MEGF10: variants seen among roughly 807,000 people sequenced by gnomAD.
The protein encoded by MEGF10 is multiple epidermal growth factor-like domains protein 10.
Under a neutral mutation model 147.5 loss-of-function variants are expected in MEGF10, and 86 were observed. The ratio of observed to expected loss-of-function variants is 0.58; its 90% CI spans 0.49 to 0.70. The LOEUF (loss-of-function observed/expected upper bound fraction) is 0.70, where lower values mean the gene tolerates loss of function less well. Among genes scored for constraint, MEGF10 ranks in the 30% least tolerant of loss-of-function variants. The probability of loss-of-function intolerance (pLI) is 0.00; values close to 1 mark genes in which losing one functional copy is unlikely to be tolerated. For synonymous variants in MEGF10, 478 were observed against 525.5 expected (o/e 0.91, Z 1.24); for missense variants, 1,329 against 1,487.3 (o/e 0.89, Z 1.75).
intron 10 of MEGF10, among the ~76,000 whole-genome samples, chr5:127,418,112 CAAA>C (rs1279975275): frequency 6.6e-6 from 1 of 152,052 alleles, no homozygotes; most frequent in East Asian, 1.9e-4. Flanking sequence ...TTATAGGTGA[CAAA>C]GAAGTTACTT....
At chr5:127,328,369 A>G (rs1456907293) in intron 1 of MEGF10, among the ~76,000 whole-genome samples, 2 of 152,200 alleles carry the variant, frequency 1.3e-5, no homozygotes, top group African/African-American at 4.8e-5. Flanking sequence ...ATCCACACAT[A>G]TACACACACA....
At chr5:127,358,147 T>C (rs1478069906) in intron 4 of MEGF10, among the ~76,000 whole-genome samples, 1 of 152,178 alleles carries the variant, frequency 6.6e-6, no homozygotes, top group Non-Finnish European at 1.5e-5. Flanking sequence ...CAAAGGTTCC[T>C]GACAAGGGAA....
chr5:127,441,536 G>A (rs1252443935), intron 18 of MEGF10, among the ~76,000 whole-genome samples: 1 of 152,096 alleles, frequency 6.6e-6, no homozygotes, highest in Non-Finnish European at 1.5e-5. Flanking sequence ...AAAAACATTA[G>A]TCTTAATAAA....
intron 14 of MEGF10, among the ~76,000 whole-genome samples, 159 bp downstream of exon 14, chr5:127,433,668 TC>T (rs768410528): frequency 1.6e-4 from 24 of 152,242 alleles, no homozygotes; most frequent in Non-Finnish European, 3.1e-4. Flanking sequence ...AGAACTGTGT[TC>T]CCTAAGAGCT....
chr5:127,257,055 T>C, the MEGF10 span, among the ~76,000 whole-genome samples: 152 of 152,278 alleles, frequency 1.0e-3, no homozygotes, highest in African/African-American at 3.4e-3. Flanking sequence ...GCAAAGTTCC[T>C]GTGAGCTCTG....
chr5:127,338,204 A>AT (rs147261650), intron 2 of MEGF10, among the ~76,000 whole-genome samples: 1,555 of 152,124 alleles, frequency 0.01, 17 homozygotes, highest in Non-Finnish European at 0.018. Flanking sequence ...ATTATGGCCC[A>AT]TTTTTTTGTT....
chr5:127,370,653 C>T (rs1762812192), intron 5 of MEGF10, among the ~76,000 whole-genome samples: 1 of 152,190 alleles, frequency 6.6e-6, no homozygotes, highest in African/African-American at 2.4e-5. Flanking sequence ...AAGCAGTCTA[C>T]ACGTAACATT....
At chr5:127,297,906 A>G (rs1759581053) in intron 1 of MEGF10, among the ~76,000 whole-genome samples, 1 of 152,092 alleles carries the variant, frequency 6.6e-6, no homozygotes, top group Admixed American at 6.5e-5. Context: ...CCACTATGGG[A>G]TTCTTGGGGC....
intron 22 of MEGF10, 53 bp from the exon 23 acceptor site, chr5:127,454,513 G>T: frequency 6.5e-7 from 1 of 1,540,604 alleles, no homozygotes. Flanking sequence ...ATTGGATGGG[G>T]TTTTTCTTCC....
chr5:127,264,590 A>T, the MEGF10 span, among the ~76,000 whole-genome samples: 1 of 152,052 alleles, frequency 6.6e-6, no homozygotes. Flanking sequence ...GCTTTTCTCT[A>T]TGTTGCACTC....
the MEGF10 span, among the ~76,000 whole-genome samples, chr5:127,265,604 T>C: frequency 2.5e-4 from 38 of 152,302 alleles, no homozygotes; most frequent in East Asian, 4.8e-3. Context: ...TTTTTAATGA[T>C]CGCCATTCTA....
At chr5:127,403,242 C>T (rs72790404) in intron 8 of MEGF10, among the ~76,000 whole-genome samples, 99 of 152,184 alleles carry the variant, frequency 6.5e-4, no homozygotes, top group Middle Eastern at 3.4e-3. Flanking sequence ...TAATGGTAAA[C>T]TGTTATCTCA....
At chr5:127,326,611 GA>G (rs1312912200) in intron 1 of MEGF10, among the ~76,000 whole-genome samples, 1 of 152,150 alleles carries the variant, frequency 6.6e-6, no homozygotes, top group Non-Finnish European at 1.5e-5. Flanking sequence ...AAAGCTCCAG[GA>G]AGAACTTAGC....
Position 127,419,175 on chromosome 5 carries a change from C to T in MEGF10, c.1361C>T (p.Ser454Phe), listed in dbSNP as rs1324228737. The T allele has an allele frequency of 6.2e-7, 1 of 1,614,218 alleles. No individual in the cohort carries two copies. Among genetic ancestry groups the T allele is most frequent in the South Asian group, 1.1e-5 (1 of 91,082 alleles). The stretch of plus-strand genomic sequence containing the variant: ...GGAACCTATGGGATAAACTGTTCCT[C>T]TCGCTGTGGCTGTAAAAATGATGCA... ...PLGTYGINCS[S>F]RCGCKNDAVC... Residue 454 changes from serine to phenylalanine, a missense_variant, in exon 11 of 25, where the codon TCT becomes TTT. Ser to Phe is a radical substitution (Grantham distance 155, BLOSUM62 -2). Transcript: ENST00000503335.
chr5:127,292,197 T>C (rs1428670749), intron 1 of MEGF10, among the ~76,000 whole-genome samples: 3 of 152,162 alleles, frequency 2.0e-5, no homozygotes, highest in East Asian at 1.9e-4. Flanking sequence ...AAGAGTTCAG[T>C]TGGTAAACTC....
the MEGF10 span, among the ~76,000 whole-genome samples, chr5:127,248,597 G>A: frequency 6.6e-6 from 1 of 151,956 alleles, no homozygotes; most frequent in African/African-American, 2.4e-5. Context: ...TGGCTCAAGA[G>A]GAGATTGGAT....
At chr5:127,287,607 T>G (rs575771618), upstream of MEGF10, among the ~76,000 whole-genome samples, 2 of 151,992 alleles carry the variant, frequency 1.3e-5, no homozygotes, top group Non-Finnish European at 2.9e-5. Flanking sequence ...AATGGAGAGA[T>G]AAATGTTCAT....
intron 2 of MEGF10, among the ~76,000 whole-genome samples, chr5:127,335,532 C>T (rs1159869790): frequency 6.6e-6 from 1 of 152,104 alleles, no homozygotes; most frequent in Non-Finnish European, 1.5e-5. Flanking sequence ...ACATCGCTTC[C>T]AGAAAATGGA....
chr5:127,360,276 C>G (rs1762423783), intron 4 of MEGF10, among the ~76,000 whole-genome samples: 2 of 151,904 alleles, frequency 1.3e-5, no homozygotes, highest in African/African-American at 4.8e-5. Context: ...AATGGCTATT[C>G]AATTTCTGAT....
Sources: allele counts gnomAD v4.1 joint callset (sites outside exome capture counted in the v4.1 genomes callset), GRCh38; gene constraint gnomAD v4.1.1; transcripts MANE v1.5; gene names NCBI Gene and HGNC (gene_info 2026-07-23, HGNC 2026-07-21).